The following POU2F1 variants were observed in gnomAD, a reference collection of about 807,000 sequenced individuals.
POU2F1 encodes POU class 2 homeobox 1, also known as POU domain, class 2, transcription factor 1.
A neutral mutation model predicts 84.9 loss-of-function variants in POU2F1; 16 were observed. That is an observed-to-expected ratio of 0.19 (90% CI 0.13 to 0.29). The LOEUF (loss-of-function observed/expected upper bound fraction) is 0.29. Among genes scored for constraint, POU2F1 ranks in the 10% least tolerant of loss-of-function variants. The pLI, the probability that POU2F1 is intolerant of heterozygous loss-of-function variation, is 1.00. For synonymous variants in POU2F1, 368 were observed against 368.3 expected (o/e 1.00, Z 0.01); for missense variants, 738 against 942.6 (o/e 0.78, Z 2.84).
intron 1 of POU2F1, among the ~76,000 whole-genome samples, chr1:167,246,533 G>A (rs1222883629): frequency 6.6e-6 from 1 of 152,120 alleles, no homozygotes. Context: ...TTAGAAAATT[G>A]TTAGCTTCAC....
In POU2F1 at chr1:167,371,995, C is replaced by T. The variant is rs766102095; in HGVS notation, c.361C>T (p.Pro121Ser). The change falls in exon 5 of 16, where the codon CCC becomes TCC. Residue 121 changes from proline (P) to serine (S), a missense_variant. By Grantham distance (74) the Pro-to-Ser change is moderately conservative (BLOSUM62 -1). Around this residue, in one of 4 missense-constraint regions of POU2F1, gnomAD observed 161 missense variants for 147.0 expected, o/e 1.10. Transcript: ENST00000367866. Reference protein sequence around the residue: ...SQQPSVQAAIPQTQLMLAGGQ... With the variant: ...SQQPSVQAAISQTQLMLAGGQ... ...GCAGCCTTCAGTGCAGGCAGCCATT[C>T]CCCAGACCCAGCTTATGCTAGCTGG... 5 of 1,614,010 alleles carry T rather than the reference C, an allele frequency of 3.1e-6. No individual in the cohort carries two copies. In the East Asian group the frequency reaches 8.9e-5, roughly 29 times the overall value.
chr1:167,356,393 G>T (rs1658939274), intron 2 of POU2F1, among the ~76,000 whole-genome samples: 1 of 151,946 alleles, frequency 6.6e-6, no homozygotes, highest in Admixed American at 6.6e-5. Flanking sequence ...AGAACATTCT[G>T]TACACACAAA....
At chr1:167,239,409 T>C (rs1649741865) in intron 1 of POU2F1, among the ~76,000 whole-genome samples, 1 of 152,208 alleles carries the variant, frequency 6.6e-6, no homozygotes, top group South Asian at 2.1e-4. Context: ...ATGCCACTGC[T>C]TTACAAGAGT....
chr1:167,304,520 G>A (rs1409748269), intron 1 of POU2F1, among the ~76,000 whole-genome samples: 1 of 152,072 alleles, frequency 6.6e-6, no homozygotes, highest in Admixed American at 6.5e-5. Flanking sequence ...CCCATCTCAT[G>A]TTAACTAACA....
rs569796546 is a variant in POU2F1, at chr1:167,420,425, G to C, written c.*4615G>C. ...GATCTGCCTGCCTTGGCCTCCCAAA[G>C]TGCTGGGATTACAGGTATGAGCCAC... On this transcript the variant is annotated 3_prime_UTR_variant, in exon 16 of 16. Transcript: ENST00000367866. The C allele has an allele frequency of 5.9e-5, 9 of 152,398 alleles. No individual in the cohort carries two copies. The East Asian group carries it at 1.5e-3, about 26-fold the overall frequency. The allele number at this position is 152,398 out of a possible 1,614,324, so 9.4% of individuals were successfully genotyped here.
intron 3 of POU2F1, 38 bp downstream of exon 3, chr1:167,365,605 G>A: frequency 6.8e-7 from 1 of 1,477,922 alleles, no homozygotes; most frequent in Non-Finnish European, 9.2e-7. Context: ...GAGAGTGAAA[G>A]ATAGAGGCGT....
intron 1 of POU2F1, among the ~76,000 whole-genome samples, chr1:167,260,141 G>C (rs889218438): frequency 3.3e-5 from 5 of 152,204 alleles, no homozygotes; most frequent in Non-Finnish European, 5.9e-5. Context: ...GCTTCCCAAA[G>C]TGCTGGGGTT....
At chr1:167,351,042 G>A (rs1658525084) in intron 2 of POU2F1, among the ~76,000 whole-genome samples, 2 of 151,830 alleles carry the variant, frequency 1.3e-5, no homozygotes, top group African/African-American at 2.4e-5. Context: ...GGGCTCAAAA[G>A]GTTGATCTGT....
chr1:167,399,637 G>A (rs1306476437), intron 12 of POU2F1, among the ~76,000 whole-genome samples: 7 of 151,870 alleles, frequency 4.6e-5, no homozygotes, highest in South Asian at 2.1e-4. Flanking sequence ...ATTAACCCAA[G>A]AACTTATTGG....
chr1:167,262,189 T>C (rs1651617218), intron 1 of POU2F1, among the ~76,000 whole-genome samples: 1 of 152,104 alleles, frequency 6.6e-6, no homozygotes, highest in Admixed American at 6.5e-5. Flanking sequence ...GGGGTCTCAC[T>C]ATATTGTCCA....
intron 2 of POU2F1, among the ~76,000 whole-genome samples, chr1:167,334,425 A>G (rs1016829161): frequency 1.1e-4 from 17 of 152,220 alleles, no homozygotes; most frequent in Middle Eastern, 3.4e-3. Context: ...TTATTTTGAC[A>G]AGTTAGATAC....
chr1:167,322,232 T>C (rs1656362846), intron 1 of POU2F1, among the ~76,000 whole-genome samples: 1 of 152,252 alleles, frequency 6.6e-6, no homozygotes, highest in Non-Finnish European at 1.5e-5. Context: ...CCTGTTCGTG[T>C]AGTTTCACTT....
intron 8 of POU2F1, among the ~76,000 whole-genome samples, chr1:167,385,611 T>A (rs1291757003): frequency 6.6e-6 from 1 of 151,714 alleles, no homozygotes; most frequent in Non-Finnish European, 1.5e-5. Context: ...GGAAAAAAAA[T>A]AAAAAACCTT....
At chr1:167,299,009 C>G (rs1237589700) in intron 1 of POU2F1, among the ~76,000 whole-genome samples, 1 of 151,696 alleles carries the variant, frequency 6.6e-6, no homozygotes, top group Non-Finnish European at 1.5e-5. Flanking sequence ...ACTAAAAATA[C>G]AAAATTAGCT....
At position 167,309,103 on chromosome 1, in the gene POU2F1, GT is replaced by G. The variant is rs749208571; in HGVS notation, c.62-23353del. Among the ~76,000 whole-genome samples, 1,314 of 140,696 alleles carry G rather than the reference GT, an allele frequency of 9.3e-3. 10 individuals carry two copies. Among genetic ancestry groups the G allele is most frequent in the East Asian group, 0.022 (110 of 4,918 alleles). The allele number at this position is 140,696 out of a possible 152,430, so 92.3% of individuals were successfully genotyped here. ...ATTTTTTAAAGTGCTTCCACTAGTG[GT>G]TTTTTTTTTTTTTCTTTGAGAATCC... On this transcript the variant is annotated intron_variant, in intron 1 of 15. Coordinates refer to ENST00000367866, the MANE Select transcript of POU2F1 (RefSeq NM_002697.4).
Position 167,383,649 on chromosome 1 carries a change from A to G in POU2F1, c.719-208A>G, listed in dbSNP as rs1647732819. On this transcript the variant is annotated intron_variant, in intron 7 of 15. Coordinates refer to ENST00000367866, the MANE Select transcript of POU2F1 (RefSeq NM_002697.4). The stretch of plus-strand genomic sequence containing the variant: ...ATTCAGATTATGCCAAAGACATATC[A>G]GTTTTAATTTAATGTTGTATATCTT... 3 of 456,352 alleles carry G rather than the reference A, an allele frequency of 6.6e-6. No homozygotes were observed. The East Asian group carries it at 1.2e-4, about 18-fold the overall frequency. 28.3% of individuals were successfully genotyped at this position (456,352 alleles called of 1,614,324 possible). A position where few individuals can be genotyped will look rare whatever the true frequency, so the allele number is the denominator to read the frequency against.
intron 1 of POU2F1, among the ~76,000 whole-genome samples, chr1:167,281,661 A>AT (rs1181276705): frequency 6.6e-6 from 1 of 152,200 alleles, no homozygotes; most frequent in Non-Finnish European, 1.5e-5. Flanking sequence ...AAACTCGGTG[A>AT]TTGGCGTAGG....
intron 2 of POU2F1, among the ~76,000 whole-genome samples, chr1:167,360,934 G>T (rs6694060): frequency 1 from 152,146 of 152,154 alleles, 76,069 homozygotes; most frequent in Middle Eastern, 1. Flanking sequence ...TTCCTAGCTG[G>T]TTTTATTTTA....
chr1:167,284,156 T>C (rs544877228), intron 1 of POU2F1, among the ~76,000 whole-genome samples: 1 of 152,238 alleles, frequency 6.6e-6, no homozygotes, highest in East Asian at 1.9e-4. Flanking sequence ...ACTTTCTGTC[T>C]GCTCTAAACA....
Sources: allele counts gnomAD v4.1 joint callset (sites outside exome capture counted in the v4.1 genomes callset), GRCh38; gene constraint gnomAD v4.1.1; regional missense constraint gnomAD v4.1.1; transcripts MANE v1.5; gene names NCBI Gene and HGNC (gene_info 2026-07-23, HGNC 2026-07-21).